Variants in TG observed in about 807,000 individuals in gnomAD.
TG encodes the protein thyroid hormones.
Under a neutral mutation model 324.7 loss-of-function variants are expected in TG, and 270 were observed. The observed-to-expected ratio is 0.83, with a 90% confidence interval of 0.75 to 0.92. TG has a LOEUF of 0.92. Ranked by LOEUF, TG falls within the 40% of genes least tolerant of loss-of-function variation. The probability of loss-of-function intolerance (pLI) is 0.00; values close to 1 mark genes in which losing one functional copy is unlikely to be tolerated. For missense variants in TG, 3,591 were observed against 3,456.4 expected (o/e 1.04, Z -0.98); for synonymous variants, 1,401 against 1,327.0 (o/e 1.06, Z -1.21).
chr8:133,040,359 CAG>C (rs1837989254), intron 41 of TG: 5 of 528,674 alleles, frequency 9.5e-6, no homozygotes, highest in South Asian at 5.3e-5. Flanking sequence ...CAGGCATGGG[CAG>C]AGAGAGAGGT....
intron 45 of TG, among the ~76,000 whole-genome samples, chr8:133,117,580 T>C (rs1409035692): frequency 6.6e-6 from 1 of 152,164 alleles, no homozygotes; most frequent in Non-Finnish European, 1.5e-5. Context: ...CCACATCAGA[T>C]CATAGTGAGG....
At chr8:132,883,783 A>G (rs1815001202) in intron 8 of TG, among the ~76,000 whole-genome samples, 1 of 152,202 alleles carries the variant, frequency 6.6e-6, no homozygotes, top group South Asian at 2.1e-4. Context: ...GGTCATTGCC[A>G]TGTTCCAGAG....
chr8:132,989,857 G>A (rs1286578920), intron 35 of TG, among the ~76,000 whole-genome samples: 1 of 152,190 alleles, frequency 6.6e-6, no homozygotes, highest in African/African-American at 2.4e-5. Flanking sequence ...CAGCACGTGG[G>A]CTTTGAGGTC....
At chr8:133,020,139 A>G (rs1399227675) in intron 39 of TG, among the ~76,000 whole-genome samples, 1 of 152,236 alleles carries the variant, frequency 6.6e-6, no homozygotes, top group Admixed American at 6.5e-5. Flanking sequence ...AGTGAGTTAC[A>G]TAAGGATATT....
At chr8:133,075,057 G>A (rs966066025) in intron 41 of TG, 1 of 985,468 alleles carries the variant, frequency 1.0e-6, no homozygotes, top group Non-Finnish European at 1.2e-6. Flanking sequence ...TAGGAACGAG[G>A]AAGGCACAGG....
intron 21 of TG, among the ~76,000 whole-genome samples, chr8:132,920,514 T>C (rs1256043093): frequency 6.6e-6 from 1 of 152,204 alleles, no homozygotes; most frequent in Non-Finnish European, 1.5e-5. Flanking sequence ...GAGAATAAAC[T>C]CTTCACTGGG....
chr8:133,078,475 C>T (rs903389280), intron 41 of TG, among the ~76,000 whole-genome samples: 1 of 152,202 alleles, frequency 6.6e-6, no homozygotes, highest in Admixed American at 6.5e-5. Flanking sequence ...CCATACTGTT[C>T]CTCAGTGATT....
At chr8:133,044,639 A>G (rs1838960326) in intron 41 of TG, among the ~76,000 whole-genome samples, 1 of 152,118 alleles carries the variant, frequency 6.6e-6, no homozygotes, top group East Asian at 1.9e-4. Flanking sequence ...AAAAGGGGAA[A>G]TGAGTGGCAC....
At chr8:132,920,338 T>A (rs1820935521) in intron 21 of TG, among the ~76,000 whole-genome samples, 1 of 152,214 alleles carries the variant, frequency 6.6e-6, no homozygotes, top group Admixed American at 6.5e-5. Context: ...GTGCTTACAA[T>A]CCAAATAATT....
chr8:132,979,578 C>G (rs930329342), intron 34 of TG, among the ~76,000 whole-genome samples: 17 of 152,216 alleles, frequency 1.1e-4, no homozygotes, highest in African/African-American at 4.1e-4. Flanking sequence ...ATAAAGTCTG[C>G]TGCTGGCACT....
intron 44 of TG, among the ~76,000 whole-genome samples, chr8:133,115,858 G>T (rs552045127): frequency 6.6e-6 from 1 of 152,222 alleles, no homozygotes; most frequent in Non-Finnish European, 1.5e-5. Context: ...TTCTGAAATC[G>T]ATTCATGCTA....
chr8:133,076,776 A>AC (rs1390250541), intron 41 of TG: 1 of 142,192 alleles, frequency 7.0e-6, no homozygotes, highest in Non-Finnish European at 1.6e-5. Context: ...AAAAAAAAAA[A>AC]AAACAACTGC....
In TG at chr8:132,882,978, C is replaced by T. The variant is rs1158091610; in HGVS notation, c.1054C>T (p.Gln352Ter). Residue 352 changes from glutamine (Q) to a stop codon, truncating the protein, a stop_gained, in exon 8 of 48, where the codon CAA (glutamine) becomes TAA (stop). Transcript: ENST00000220616. LOFTEE classifies it high-confidence loss of function. ...QGKEMHGTRQ[Q>*]GEPPSCAEGQ... ...GAAGGAAATGCATGGAACCCGGCAG[C>T]AAGGGGAGCCGCCATCTTGTGGTGG... 1 of 1,613,840 alleles carries T rather than the reference C, an allele frequency of 6.2e-7. No individual in the cohort carries two copies. The highest frequency in any genetic ancestry group is 1.3e-5 in the African/African-American group (1 of 74,914).
In TG at chr8:132,960,778, A is replaced by G. The variant is rs892662960; in HGVS notation, c.5402-230A>G. 2.1e-4 allele frequency among the ~76,000 whole-genome samples: 32 copies of G among 152,174 alleles called. 2 individuals are homozygous for G. The highest frequency in any genetic ancestry group is 1.9e-3 in the Admixed American group (29 of 15,280). On this transcript the variant is annotated intron_variant, in intron 27 of 47. Transcript: ENST00000220616. ...TCATAGGTTCACAACCCCTCATGGA[A>G]GTAGTCCCTTTGGTGCCCTGAGTAT...
chr8:132,922,327 C>G (rs192068095), intron 21 of TG, among the ~76,000 whole-genome samples: 94 of 151,190 alleles, frequency 6.2e-4, no homozygotes, highest in African/African-American at 2.2e-3. Context: ...ATTTGACTAG[C>G]ATTTATTGAT....
chr8:133,060,260 A>G (rs775997735), intron 41 of TG: 1 of 1,609,522 alleles, frequency 6.2e-7, no homozygotes, highest in Non-Finnish European at 8.5e-7. Flanking sequence ...CAAGTGGAGA[A>G]TGACCCAGTT....
chr8:133,013,198 T>C (rs1057366563), intron 36 of TG, among the ~76,000 whole-genome samples: 7 of 152,214 alleles, frequency 4.6e-5, no homozygotes, highest in African/African-American at 1.7e-4. Context: ...ATTGCTACCA[T>C]TTTATTTCCA....
At chr8:133,070,088 G>A (rs555059268) in intron 41 of TG, among the ~76,000 whole-genome samples, 1 of 151,860 alleles carries the variant, frequency 6.6e-6, no homozygotes, top group Non-Finnish European at 1.5e-5. Flanking sequence ...GTGGGCCTAG[G>A]AGACCGCGGA....
At chr8:132,923,296 A>G in intron 21 of TG, 42 bp from the exon 22 acceptor site, 1 of 1,611,582 alleles carries the variant, frequency 6.2e-7, no homozygotes, top group Non-Finnish European at 8.5e-7. Context: ...AGGGGATTCC[A>G]GAGGCCCATT....
Sources: gnomAD v4.1 joint callset for allele counts (sites outside exome capture counted in the v4.1 genomes callset) on GRCh38, gnomAD v4.1.1 for gene constraint, MANE v1.5 for transcripts, NCBI Gene and HGNC (gene_info 2026-07-23, HGNC 2026-07-21) for gene names.